The following MAP3K15 variants were observed in gnomAD, a reference collection of about 807,000 sequenced individuals.
MAP3K15 encodes the protein mitogen-activated protein kinase kinase kinase 15.
MAP3K15 carries 124 observed loss-of-function variants against 99.5 expected under a neutral mutation model. The ratio of observed to expected loss-of-function variants is 1.25; its 90% CI spans 1.08 to 1.45. MAP3K15 has a LOEUF of 1.45. Ranked by LOEUF, MAP3K15 falls within the 40% of genes most tolerant of loss-of-function variation. MAP3K15 has a pLI of 0.00. For missense variants in MAP3K15, 1,242 were observed against 1,079.7 expected (o/e 1.15, Z -2.11); for synonymous variants, 494 against 439.6 (o/e 1.12, Z -1.55).
chrX:19,406,271 G>A (rs2093608326), intron 13 of MAP3K15, among the ~76,000 whole-genome samples: 1 of 112,590 alleles, frequency 8.9e-6, no homozygotes, highest in East Asian at 2.8e-4. Flanking sequence ...ATACTTGCAC[G>A]TGAATGTTCA....
At chrX:19,466,922 T>C (rs372697870) in intron 3 of MAP3K15, among the ~76,000 whole-genome samples, 8 of 111,959 alleles carry the variant, frequency 7.1e-5, no homozygotes, top group African/African-American at 2.6e-4. Flanking sequence ...ATGGACCACA[T>C]ATGGCCCAGG....
intron 3 of MAP3K15, among the ~76,000 whole-genome samples, chrX:19,485,647 T>C (rs978951388): frequency 1.8e-5 from 2 of 111,065 alleles, no homozygotes; most frequent in African/African-American, 6.5e-5. Context: ...AAGCTTTGCC[T>C]CCTGGGCCCT....
At position 19,392,389 on chromosome X, in the gene MAP3K15, C is replaced by T. The variant is rs758901186; in HGVS notation, c.2279G>A (p.Gly760Asp). Residue 760 changes from glycine (G) to aspartate (D), a missense_variant, in exon 17 of 29, where the codon GGC becomes GAC. Transcript: ENST00000338883. Reference sequence around the variant, plus strand: ...CTGGTTTTCATGAAGATACTTAAGGCCCTCCAGGATCTGTTTGGTGTAAAA... The same window carrying T: ...CTGGTTTTCATGAAGATACTTAAGGTCCTCCAGGATCTGTTTGGTGTAAAA... ...IKFYTKQILE[G>D]LKYLHENQIV... 1 of 1,209,987 alleles carries T rather than the reference C, an allele frequency of 8.3e-7. No homozygotes were observed. The highest frequency in any genetic ancestry group is 2.2e-5 in the Admixed American group (1 of 45,908).
At chrX:19,474,985 C>T (rs1466123916) in intron 3 of MAP3K15, among the ~76,000 whole-genome samples, 2 of 111,053 alleles carry the variant, frequency 1.8e-5, no homozygotes, top group Non-Finnish European at 1.9e-5. Flanking sequence ...AATTTTTCCA[C>T]GGACCAGGTG....
intron 9 of MAP3K15, among the ~76,000 whole-genome samples, chrX:19,424,528 C>T (rs2063815090): frequency 9.0e-6 from 1 of 110,946 alleles, no homozygotes; most frequent in South Asian, 3.8e-4. Flanking sequence ...AAAGTGTGGT[C>T]ACCAGAGCAG....
chrX:19,429,408 A>G (rs1435757371), intron 7 of MAP3K15, among the ~76,000 whole-genome samples: 1 of 110,516 alleles, frequency 9.0e-6, no homozygotes, highest in Non-Finnish European at 1.9e-5. Context: ...AGGGCTGCAA[A>G]TGGGGCCTGA....
intron 3 of MAP3K15, among the ~76,000 whole-genome samples, chrX:19,474,974 A>C (rs1469813848): frequency 2.7e-5 from 3 of 111,166 alleles, no homozygotes; most frequent in African/African-American, 9.8e-5. Flanking sequence ...TCATGGAAAA[A>C]AATTTTTCCA....
rs749656271 is a variant in MAP3K15 at position 19,392,856 on chromosome X, G to T, written c.2195-383C>A. On this transcript the variant is annotated intron_variant, in intron 16 of 28. Coordinates refer to ENST00000338883, the MANE Select transcript of MAP3K15 (RefSeq NM_001001671.4). Reference sequence around the variant, plus strand: ...GTCCCATGACACTTGTTTACAGCAGGTCTGTCTCAGTCATTCTGCTTGGGT... The same window carrying T: ...GTCCCATGACACTTGTTTACAGCAGTTCTGTCTCAGTCATTCTGCTTGGGT... Among the ~76,000 whole-genome samples, 65 of 110,788 alleles carry T rather than the reference G, an allele frequency of 5.9e-4. 1 individual carries two copies. The highest frequency in any genetic ancestry group is 2.1e-3 in the African/African-American group (63 of 30,473).
chrX:19,377,551 A>G (rs1241529154), intron 19 of MAP3K15, among the ~76,000 whole-genome samples: 1 of 111,343 alleles, frequency 9.0e-6, no homozygotes, highest in African/African-American at 3.3e-5. Context: ...CAAAAAAAAA[A>G]AGAGAGACTT....
chrX:19,478,333 T>G (rs370040177), intron 3 of MAP3K15, among the ~76,000 whole-genome samples: 13 of 104,132 alleles, frequency 1.2e-4, no homozygotes, highest in East Asian at 1.2e-3. Flanking sequence ...CTAATAAAAG[T>G]ACTAGAAATC....
chrX:19,499,827 G>A (rs778877236), intron 1 of MAP3K15, among the ~76,000 whole-genome samples: 1 of 112,114 alleles, frequency 8.9e-6, no homozygotes, highest in South Asian at 3.7e-4. Context: ...GGAACTTTCT[G>A]GAAAAACAGA....
intron 3 of MAP3K15, among the ~76,000 whole-genome samples, chrX:19,467,603 C>T (rs746499551): frequency 1.4e-4 from 15 of 109,643 alleles, no homozygotes; most frequent in Admixed American, 4.9e-4. Flanking sequence ...CCCCTCTCTA[C>T]TAAAAATACA....
At chrX:19,479,118 A>G (rs1250685320) in intron 3 of MAP3K15, among the ~76,000 whole-genome samples, 2 of 111,803 alleles carry the variant, frequency 1.8e-5, no homozygotes, top group Non-Finnish European at 3.8e-5. Context: ...TCTCAAATGA[A>G]ATAATTATAA....
At chrX:19,395,044 T>C in intron 16 of MAP3K15, 37 bp downstream of exon 16, 1 of 1,192,044 alleles carries the variant, frequency 8.4e-7, no homozygotes, top group South Asian at 1.8e-5. Flanking sequence ...TCGTAGTGAT[T>C]TTCAGAATGT....
At chrX:19,459,051 C>G (rs1392963571) in intron 5 of MAP3K15, among the ~76,000 whole-genome samples, 1 of 111,821 alleles carries the variant, frequency 8.9e-6, no homozygotes, top group Non-Finnish European at 1.9e-5. Flanking sequence ...GAATAAACAT[C>G]TACATTCCCT....
intron 18 of MAP3K15, among the ~76,000 whole-genome samples, chrX:19,391,647 C>A (rs2063527803): frequency 1.1e-5 from 1 of 92,647 alleles, no homozygotes; most frequent in African/African-American, 4.3e-5. Flanking sequence ...TGCACTCCAG[C>A]CTAGGCGACA....
intron 6 of MAP3K15, among the ~76,000 whole-genome samples, chrX:19,444,775 AAAG>A (rs1463928375): frequency 2.7e-5 from 3 of 111,884 alleles, no homozygotes; most frequent in African/African-American, 9.7e-5. Context: ...TTGATCAGAA[AAAG>A]AAGGCATTAG....
At position 19,398,357 on chromosome X, in the gene MAP3K15, A is replaced by C. The variant is rs764874953; in HGVS notation, c.1935T>G (p.Tyr645Ter). The C allele has an allele frequency of 8.3e-7, 1 of 1,210,309 alleles. No individual in the cohort carries two copies. The highest frequency in any genetic ancestry group is 1.1e-6 in the Non-Finnish European group (1 of 894,852). ...CACCATTTGCATCATGGTCATACTCATACTGAAGAAGGAAAAACAAAAGGA... is the reference window on the plus strand; with the variant it reads ...CACCATTTGCATCATGGTCATACTCCTACTGAAGAAGGAAAAACAAAAGGA... Reference protein sequence around the residue: ...EGETDGDTLEYEYDHDANGER... With the variant: ...EGETDGDTLE The change falls in exon 15 of 29, where the codon TAT becomes TAG. Residue 645 changes from tyrosine to a stop codon, truncating the protein, a stop_gained and splice_region_variant. Transcript: ENST00000338883. LOFTEE classifies it high-confidence loss of function.
At chrX:19,453,360 C>T (rs1005656774) in intron 6 of MAP3K15, among the ~76,000 whole-genome samples, 14 of 109,394 alleles carry the variant, frequency 1.3e-4, no homozygotes, top group South Asian at 4.0e-4. Flanking sequence ...ATTAGCCAGG[C>T]GTGGTGATGC....
Sources: gnomAD v4.1 joint callset for allele counts (sites outside exome capture counted in the v4.1 genomes callset) on GRCh38, gnomAD v4.1.1 for gene constraint, MANE v1.5 for transcripts, NCBI Gene and HGNC (gene_info 2026-07-23, HGNC 2026-07-21) for gene names.